The following RAD51D variants were observed in gnomAD, a reference collection of about 807,000 sequenced individuals.
RAD51D encodes DNA repair protein RAD51 homolog 4.
A neutral mutation model predicts 44.1 loss-of-function variants in RAD51D; 38 were observed. That is an observed-to-expected ratio of 0.86 (90% CI 0.67 to 1.13). The LOEUF (loss-of-function observed/expected upper bound fraction) is 1.13, where lower values mean the gene tolerates loss of function less well. Among genes scored for constraint, RAD51D ranks in the 50% most tolerant of loss-of-function variants. The pLI is 0.00. For missense variants in RAD51D, 390 were observed against 414.0 expected (o/e 0.94, Z 0.50); for synonymous variants, 141 against 166.6 (o/e 0.85, Z 1.18).
intron 4 of RAD51D, 112 bp downstream of exon 4, chr17:35,107,252 TTC>T (rs1344533652): frequency 6.9e-7 from 1 of 1,459,420 alleles, no homozygotes; most frequent in African/African-American, 1.4e-5. Flanking sequence ...ATTACCCATC[TTC>T]TCTCTGTTGG....
rs1597861698 is a variant in RAD51D, at chr17:35,106,414, T to G, written c.548A>C (p.Gln183Pro). ...CTGGGCCACAGTGCCTCGGAGCTCCTGCAGCACATCCAGCATCTGGAAGAT... is the reference window on the plus strand; with the variant it reads ...CTGGGCCACAGTGCCTCGGAGCTCCGGCAGCACATCCAGCATCTGGAAGAT... ...FDIFQMLDVLQELRGTVAQQV... is the reference protein window; with the variant it reads ...FDIFQMLDVLPELRGTVAQQV... The change falls in exon 6 of 10, where the codon CAG becomes CCG. Residue 183 changes from glutamine to proline, a missense_variant. By Grantham distance (76) the Gln-to-Pro change is moderately conservative. Transcript: ENST00000345365. The G allele has an allele frequency of 1.9e-6, 3 of 1,613,376 alleles. No homozygotes were observed. Among genetic ancestry groups the G allele is most frequent in the Non-Finnish European group, 2.5e-6 (3 of 1,179,702 alleles).
chr17:35,100,958 T>A lies in RAD51D; in HGVS notation c.982A>T (p.Thr328Ser), dbSNP rs2091527104. ...EQSATLQGDQT is the reference protein window; with the variant it reads ...EQSATLQGDQS Reference sequence around the variant, plus strand: ...TTCCCAAACAACAGCACAGGTCATGTCTGATCACCCTGTAATGTGGCACTC... The same window carrying A: ...TTCCCAAACAACAGCACAGGTCATGACTGATCACCCTGTAATGTGGCACTC... The change falls in exon 10 of 10, where the codon ACA becomes TCA. Residue 328 changes from threonine (T) to serine (S), a missense_variant. Coordinates refer to ENST00000345365, the MANE Select transcript of RAD51D (RefSeq NM_002878.4). 6.2e-7 allele frequency: 1 copy of A among 1,611,544 alleles called. No homozygotes were observed. Among genetic ancestry groups the A allele is most frequent in the South Asian group, 1.1e-5 (1 of 91,010 alleles).
rs1185152551 is a variant in RAD51D, at chr17:35,099,695, T to C, written c.*1258A>G. On this transcript the variant is annotated 3_prime_UTR_variant, in exon 10 of 10. Transcript: ENST00000345365. ...GAGTGTAACTCGGACCCTCCTTTCC[T>C]GCAGCCAAGACATAACTGATTAATT... The C allele has an allele frequency of 5.2e-6, 2 of 386,696 alleles. No homozygotes were observed. The highest frequency in any genetic ancestry group is 1.0e-5 in the Non-Finnish European group (2 of 199,662). The allele number at this position is 386,696 out of a possible 1,614,324, so 24.0% of individuals were successfully genotyped here.
rs1230823684 is a variant in RAD51D, at chr17:35,119,748, G to A, written c.-135C>T. 1 of 863,430 alleles carries A rather than the reference G, an allele frequency of 1.2e-6. No individual in the cohort carries two copies. The highest frequency in any genetic ancestry group is 1.9e-6 in the Non-Finnish European group (1 of 529,928). The allele number at this position is 863,430 out of a possible 1,614,324, so 53.5% of individuals were successfully genotyped here. A position where few individuals can be genotyped will look rare whatever the true frequency, so the allele number is the denominator to read the frequency against. The stretch of plus-strand genomic sequence containing the variant: ...GCGCTGGCTGCCGGAGGAGAAAGGA[G>A]AGAGGAGGAGGCGGCACCAAGGGTA... On this transcript the variant is annotated 5_prime_UTR_variant, in exon 1 of 10. Transcript: ENST00000345365.
intron 6 of RAD51D, chr17:35,106,019 C>T (rs2091598430): frequency 2.2e-6 from 1 of 450,212 alleles, no homozygotes; most frequent in African/African-American, 2.0e-5. Context: ...GCCCTGATAG[C>T]ATGGACCTGC....
At chr17:35,113,355 G>A (rs2091700306) in intron 3 of RAD51D, among the ~76,000 whole-genome samples, 3 of 151,988 alleles carry the variant, frequency 2.0e-5, no homozygotes, top group Admixed American at 6.6e-5. Flanking sequence ...TGCAACCTCC[G>A]CCTCTCGGGT....
rs1429533784 is a variant in RAD51D at position 35,099,828 on chromosome 17, G to A, written c.*1125C>T. Reference sequence around the variant, plus strand: ...TTCCTTTTATTTTCCATTCCCTGGTGTCTTCGTCCCCTCCCAGCCAGGGTC... The same window carrying A: ...TTCCTTTTATTTTCCATTCCCTGGTATCTTCGTCCCCTCCCAGCCAGGGTC... On this transcript the variant is annotated 3_prime_UTR_variant, in exon 10 of 10. Transcript: ENST00000345365. 1 of 500,088 alleles carries A rather than the reference G, an allele frequency of 2.0e-6. No homozygotes were observed. Among genetic ancestry groups the A allele is most frequent in the Non-Finnish European group, 3.9e-6 (1 of 253,828 alleles). The allele number at this position is 500,088 out of a possible 1,614,324, so 31.0% of individuals were successfully genotyped here. A position where few individuals can be genotyped will look rare whatever the true frequency, so the allele number is the denominator to read the frequency against.
chr17:35,107,583 T>C, intron 3 of RAD51D, 136 bp from the exon 4 acceptor site: 1 of 748,946 alleles, frequency 1.3e-6, no homozygotes, highest in Non-Finnish European at 2.3e-6. Flanking sequence ...AGGCTTCTCC[T>C]GGTGTTTTCT....
chr17:35,112,687 T>C (rs965180751), intron 3 of RAD51D, among the ~76,000 whole-genome samples: 3 of 152,142 alleles, frequency 2.0e-5, no homozygotes, highest in East Asian at 1.9e-4. Context: ...CAATAAATGG[T>C]AGTGTTTTTT....
Position 35,100,357 on chromosome 17 carries a change from AG to A in RAD51D, c.*595del. 1.9e-6 allele frequency: 1 copy of A among 534,168 alleles called. No individual in the cohort carries two copies. Among genetic ancestry groups the A allele is most frequent in the South Asian group, 1.5e-5 (1 of 65,168 alleles). 33.1% of individuals were successfully genotyped at this position (534,168 alleles called of 1,614,324 possible). A position where few individuals can be genotyped will look rare whatever the true frequency, so the allele number is the denominator to read the frequency against. On this transcript the variant is annotated 3_prime_UTR_variant, in exon 10 of 10. Transcript: ENST00000345365. ...GGGGAAACTGAAAAACAGCCTTCTA[AG>A]GGGAAATCAGGTGGCTCTAGGGCTC...
chr17:35,119,458 G>C, intron 1 of RAD51D, 74 bp downstream of exon 1: 1 of 1,522,362 alleles, frequency 6.6e-7, no homozygotes, highest in Non-Finnish European at 9.0e-7. Flanking sequence ...TGCCAGGGCA[G>C]TGCGCCAGCC....
intron 4 of RAD51D, 106 bp downstream of exon 4, chr17:35,107,260 G>A: frequency 6.9e-7 from 1 of 1,455,340 alleles, no homozygotes; most frequent in Non-Finnish European, 9.6e-7. Flanking sequence ...TCTTCTCTCT[G>A]TTGGGCTCTG....
intron 5 of RAD51D, among the ~76,000 whole-genome samples, 158 bp downstream of exon 5, chr17:35,106,830 G>T (rs3816754): frequency 0.046 from 7,073 of 152,218 alleles, 258 homozygotes; most frequent in East Asian, 0.19. Context: ...ATGGGATGAT[G>T]GCATCAACAG....
intron 3 of RAD51D, among the ~76,000 whole-genome samples, chr17:35,111,037 G>A (rs2091668715): frequency 1.3e-5 from 2 of 151,836 alleles, no homozygotes; most frequent in South Asian, 4.2e-4. Flanking sequence ...GGAGGCGGGG[G>A]TTGCAGTGAG....
intron 3 of RAD51D, among the ~76,000 whole-genome samples, chr17:35,108,948 C>G (rs1370250154): frequency 6.6e-6 from 1 of 151,038 alleles, no homozygotes. Context: ...CTCATTGCAA[C>G]CTCCACCTCC....
In RAD51D at chr17:35,101,232, C is replaced by A. The variant is rs150134822; in HGVS notation, c.872G>T (p.Arg291Leu). The change falls in exon 9 of 10, where the codon CGC becomes CTC. Residue 291 changes from arginine (R) to leucine (L), a missense_variant. Physicochemically the swap from Arg to Leu is moderately radical, Grantham distance 102. Transcript: ENST00000345365. ...GGAAGATTTGGCCAGACACGCCATG[C>A]GCCGGCCGCCTGATGCTCCTGCTCC... Reference protein sequence around the residue: ...IEGAGASGGRRMACLAKSSRQ... With the variant: ...IEGAGASGGRLMACLAKSSRQ... 6.2e-7 allele frequency: 1 copy of A among 1,614,050 alleles called. No individual in the cohort carries two copies. The highest frequency in any genetic ancestry group is 8.5e-7 in the Non-Finnish European group (1 of 1,180,048).
chr17:35,106,862 A>T, intron 5 of RAD51D, 126 bp downstream of exon 5: 3 of 1,388,602 alleles, frequency 2.2e-6, no homozygotes, highest in Non-Finnish European at 2.0e-6. Context: ...GGAATACGAG[A>T]TGTATTAATA....
Position 35,119,692 on chromosome 17 carries a change from T to C in RAD51D, c.-79A>G. On this transcript the variant is annotated 5_prime_UTR_variant, in exon 1 of 10. Transcript: ENST00000345365. ...GCGGGGGGTCCTCTCCAGACGCCCCTCCCCTACCCCTTCCTAGAGAGGACA... is the reference window on the plus strand; with the variant it reads ...GCGGGGGGTCCTCTCCAGACGCCCCCCCCCTACCCCTTCCTAGAGAGGACA... The C allele has an allele frequency of 7.1e-7, 1 of 1,414,016 alleles. No individual in the cohort carries two copies. The highest frequency in any genetic ancestry group is 2.3e-5 in the East Asian group (1 of 43,820). 87.6% of individuals were successfully genotyped at this position (1,414,016 alleles called of 1,614,324 possible). A position where few individuals can be genotyped will look rare whatever the true frequency, so the allele number is the denominator to read the frequency against.
intron 3 of RAD51D, among the ~76,000 whole-genome samples, chr17:35,108,868 CTTTTTTTT>C (rs35092882): frequency 8.2e-6 from 1 of 122,644 alleles, no homozygotes; most frequent in East Asian, 2.4e-4. Flanking sequence ...TTTTTCTTTT[CTTTTTTTT>C]TTTTTTTTGA....
Sources: allele counts gnomAD v4.1 joint callset (sites outside exome capture counted in the v4.1 genomes callset), GRCh38; gene constraint gnomAD v4.1.1; transcripts MANE v1.5; gene names NCBI Gene and HGNC (gene_info 2026-07-23, HGNC 2026-07-21).